Variants in TMEM132E observed in about 807,000 individuals in gnomAD.
TMEM132E encodes transmembrane protein 132E.
TMEM132E carries 49 observed loss-of-function variants against 78.5 expected under a neutral mutation model. The ratio of observed to expected loss-of-function variants is 0.62; its 90% CI spans 0.50 to 0.79. TMEM132E has a LOEUF of 0.79. Among genes scored for constraint, TMEM132E ranks in the 30% least tolerant of loss-of-function variants. TMEM132E has a pLI of 0.00. For missense variants in TMEM132E, 1,403 were observed against 1,470.9 expected (o/e 0.95, Z 0.75); for synonymous variants, 715 against 670.6 (o/e 1.07, Z -1.02).
intron 1 of TMEM132E, chr17:34,614,405 G>T (rs60375944): frequency 6.6e-6 from 1 of 152,212 alleles, no homozygotes; most frequent in African/African-American, 2.4e-5. Context: ...GCAGGTCGCT[G>T]CTGGGGTAAG....
At chr17:34,586,468 G>A (rs1905685045) in intron 1 of TMEM132E, among the ~76,000 whole-genome samples, 2 of 151,972 alleles carry the variant, frequency 1.3e-5, no homozygotes, top group Admixed American at 6.6e-5. Context: ...GCTACTGCAC[G>A]GGTCTCTGGG....
At chr17:34,609,619 A>C (rs1906524602) in intron 1 of TMEM132E, among the ~76,000 whole-genome samples, 1 of 152,168 alleles carries the variant, frequency 6.6e-6, no homozygotes, top group East Asian at 1.9e-4. Flanking sequence ...TGGAGGAGAC[A>C]AAGACAAGCA....
Position 34,626,776 on chromosome 17 carries a change from T to C in TMEM132E, c.717T>C (p.Pro239=), listed in dbSNP as rs2142079780. 4 of 1,477,570 alleles carry C rather than the reference T, an allele frequency of 2.7e-6. No homozygotes were observed. The South Asian group carries it at 3.9e-5, about 14-fold the overall frequency. 91.5% of individuals were successfully genotyped at this position (1,477,570 alleles called of 1,614,324 possible). A position where few individuals can be genotyped will look rare whatever the true frequency, so the allele number is the denominator to read the frequency against. Residue 239 remains proline (P), a synonymous_variant, in exon 2 of 9, where the codon CCT becomes CCC. Coordinates refer to ENST00000631683, the MANE Select transcript of TMEM132E (RefSeq NM_001304438.2). The part of the protein sequence containing the change: ...QAELYYTLHA[P]DASGGCGGSR... ...AGCTCTACTACACGCTCCACGCCCCTGATGCGTCGGGGGGCTGCGGGGGCT... is the reference window on the plus strand; with the variant it reads ...AGCTCTACTACACGCTCCACGCCCCCGATGCGTCGGGGGGCTGCGGGGGCT...
At chr17:34,590,345 C>T (rs950916288) in intron 1 of TMEM132E, among the ~76,000 whole-genome samples, 11 of 152,256 alleles carry the variant, frequency 7.2e-5, no homozygotes, top group African/African-American at 2.7e-4. Context: ...TTTCCCTACA[C>T]TCAGCTCTAA....
At chr17:34,612,795 G>C (rs960694522) in intron 1 of TMEM132E, among the ~76,000 whole-genome samples, 1 of 152,084 alleles carries the variant, frequency 6.6e-6, no homozygotes, top group Non-Finnish European at 1.5e-5. Flanking sequence ...CAGGAGGGCC[G>C]GTGGGGCCTA....
intron 1 of TMEM132E, among the ~76,000 whole-genome samples, chr17:34,593,597 G>T (rs1204609981): frequency 6.6e-6 from 1 of 152,232 alleles, no homozygotes; most frequent in African/African-American, 2.4e-5. Context: ...CCCCTGCCCA[G>T]CTCAGTGCCT....
Position 34,626,692 on chromosome 17 carries a change from C to T in TMEM132E, c.633C>T (p.Ala211=). 2 of 1,391,978 alleles carry T rather than the reference C, an allele frequency of 1.4e-6. No homozygotes were observed. Among genetic ancestry groups the T allele is most frequent in the Non-Finnish European group, 1.9e-6 (2 of 1,064,944 alleles). 86.2% of individuals were successfully genotyped at this position (1,391,978 alleles called of 1,614,324 possible). A position where few individuals can be genotyped will look rare whatever the true frequency, so the allele number is the denominator to read the frequency against. The part of the protein sequence containing the change: ...GPPAPAAPPT[A]RRKSPDGLEP... The stretch of plus-strand genomic sequence containing the variant: ...CAGCCCCCGCTGCGCCACCCACGGC[C>T]CGCCGCAAGTCCCCGGACGGGCTGG... The change falls in exon 2 of 9, where the codon GCC becomes GCT. Residue 211 remains alanine, a synonymous_variant. Transcript: ENST00000631683.
At position 34,638,468 on chromosome 17, in the gene TMEM132E, T is replaced by C. The variant is rs918599308; in HGVS notation, c.*236T>C. On this transcript the variant is annotated 3_prime_UTR_variant, in exon 9 of 9. Transcript: ENST00000631683. ...GGAGGGCTCTTCCTCCAGTGGCTCG[T>C]AAGGAGGAAAGCAACCCCAGCCTCT... 4 of 469,014 alleles carry C rather than the reference T, an allele frequency of 8.5e-6. No individual in the cohort carries two copies. Among genetic ancestry groups the C allele is most frequent in the Non-Finnish European group, 1.5e-5 (4 of 270,780 alleles). The allele number at this position is 469,014 out of a possible 1,614,324, so 29.1% of individuals were successfully genotyped here. A position where few individuals can be genotyped will look rare whatever the true frequency, so the allele number is the denominator to read the frequency against.
chr17:34,593,271 C>T (rs1315176994), intron 1 of TMEM132E, among the ~76,000 whole-genome samples: 1 of 151,892 alleles, frequency 6.6e-6, no homozygotes, highest in South Asian at 2.1e-4. Flanking sequence ...TTGAAACAAT[C>T]AAAAATAAAA....
At chr17:34,629,858 C>T in intron 4 of TMEM132E, 150 bp from the exon 5 acceptor site, 3 of 871,670 alleles carry the variant, frequency 3.4e-6, no homozygotes, top group Non-Finnish European at 3.3e-6. Flanking sequence ...GGGGTGGTTG[C>T]CTATCCCTGC....
At chr17:34,634,727 G>A in intron 6 of TMEM132E, 72 bp from the exon 7 acceptor site, 1 of 1,491,922 alleles carries the variant, frequency 6.7e-7, no homozygotes, top group East Asian at 2.5e-5. Context: ...AACAGGGCAA[G>A]GGTGCGGGGT....
At chr17:34,585,451 C>A (rs28401467) in intron 1 of TMEM132E, among the ~76,000 whole-genome samples, 13,564 of 152,222 alleles carry the variant, frequency 0.089, 689 homozygotes, top group South Asian at 0.2. Context: ...TGTGTAGTAG[C>A]GGGCAGGGTC....
chr17:34,583,998 C>T (rs866693617), intron 1 of TMEM132E, among the ~76,000 whole-genome samples: 22 of 152,182 alleles, frequency 1.4e-4, no homozygotes, highest in Non-Finnish European at 4.4e-5. Flanking sequence ...TGGGGAGACT[C>T]CCAGCCCCAC....
Position 34,613,174 on chromosome 17 carries a change from T to TCTCTAC in TMEM132E, c.68-12953_68-12952insCTCTAC, listed in dbSNP as rs1491423933. On this transcript the variant is annotated intron_variant, in intron 1 of 8. Coordinates refer to ENST00000631683, the MANE Select transcript of TMEM132E (RefSeq NM_001304438.2). ...CACACTCTCTCTCTCTCTCTCTCTC[T>TCTCTAC]ACACACACACACACACACACACCCA... Among the ~76,000 whole-genome samples the TCTCTAC allele has an allele frequency of 1.6e-3, 178 of 109,274 alleles. 1 individual carries two copies. Among genetic ancestry groups the TCTCTAC allele is most frequent in the African/African-American group, 5.2e-3 (172 of 33,000 alleles). 71.7% of individuals were successfully genotyped at this position (109,274 alleles called of 152,430 possible).
In TMEM132E at chr17:34,626,363, G is replaced by A. The variant is rs755611078; in HGVS notation, c.304G>A (p.Val102Met). 4 of 1,613,250 alleles carry A rather than the reference G, an allele frequency of 2.5e-6. No homozygotes were observed. The highest frequency in any genetic ancestry group is 1.1e-5 in the South Asian group (1 of 90,924). Residue 102 changes from valine to methionine, a missense_variant, in exon 2 of 9, where the codon GTG (valine) becomes ATG (methionine). By Grantham distance (21) the Val-to-Met change is conservative. Transcript: ENST00000631683. ...VSLGPFSTSQ[V>M]VARELLQPSS... is the part of the protein sequence containing the mutation. The stretch of plus-strand genomic sequence containing the variant: ...TCTGGGGCCCTTCAGCACCAGCCAG[G>A]TGGTGGCGCGGGAGCTCCTGCAGCC...
intron 1 of TMEM132E, among the ~76,000 whole-genome samples, chr17:34,597,453 C>G (rs1331052525): frequency 1.3e-5 from 2 of 152,212 alleles, no homozygotes; most frequent in African/African-American, 4.8e-5. Context: ...TTGATTCAGT[C>G]AACTATTCAT....
intron 1 of TMEM132E, among the ~76,000 whole-genome samples, chr17:34,595,314 C>T (rs1906017642): frequency 1.3e-5 from 2 of 152,240 alleles, no homozygotes; most frequent in African/African-American, 4.8e-5. Context: ...ACAGTGCCCA[C>T]CTCTTAGATC....
At chr17:34,585,582 A>G (rs540946787) in intron 1 of TMEM132E, among the ~76,000 whole-genome samples, 1 of 152,294 alleles carries the variant, frequency 6.6e-6, no homozygotes, top group East Asian at 1.9e-4. Flanking sequence ...TCACTCTGCA[A>G]GTTTGTTCTG....
intron 1 of TMEM132E, among the ~76,000 whole-genome samples, chr17:34,599,305 G>A (rs1001027330): frequency 6.6e-6 from 1 of 152,202 alleles, no homozygotes; most frequent in Non-Finnish European, 1.5e-5. Context: ...ACCCCACCAC[G>A]GGGCACCTGC....
Sources: gnomAD v4.1 joint callset for allele counts (sites outside exome capture counted in the v4.1 genomes callset) on GRCh38, gnomAD v4.1.1 for gene constraint, MANE v1.5 for transcripts, NCBI Gene and HGNC (gene_info 2026-07-23, HGNC 2026-07-21) for gene names.